The following RABGEF1 variants were observed in gnomAD, a reference collection of about 807,000 sequenced individuals.
The protein encoded by RABGEF1 is rab5 GDP/GTP exchange factor.
A neutral mutation model predicts 57.3 loss-of-function variants in RABGEF1; 26 were observed. The observed-to-expected ratio is 0.45, with a 90% CI of 0.33 to 0.63. The LOEUF (loss-of-function observed/expected upper bound fraction) is 0.63, where lower values mean the gene tolerates loss of function less well. Among genes scored for constraint, RABGEF1 ranks in the 20% least tolerant of loss-of-function variants. The pLI is 0.02. For missense variants in RABGEF1, 464 were observed against 607.6 expected (o/e 0.76, Z 2.48); for synonymous variants, 185 against 210.7 (o/e 0.88, Z 1.06).
At chr7:66,660,083 C>G in the RABGEF1 span, among the ~76,000 whole-genome samples, 2 of 151,954 alleles carry the variant, frequency 1.3e-5, no homozygotes, top group African/African-American at 4.8e-5. Flanking sequence ...CACAGTGGCT[C>G]ACGCCTGTAA....
At chr7:66,760,326 T>C (rs879941538) in intron 1 of RABGEF1, among the ~76,000 whole-genome samples, 1 of 152,224 alleles carries the variant, frequency 6.6e-6, no homozygotes. Context: ...AACATGTTGC[T>C]CTTGTGTTAA....
intron 1 of RABGEF1, chr7:66,770,571 A>C (rs56290553): frequency 0.012 from 1,767 of 152,030 alleles, 19 homozygotes; most frequent in Non-Finnish European, 0.018. Context: ...GCAGCCTCCA[A>C]CTCCTGGGCT....
At chr7:66,658,891 A>G in the RABGEF1 span, among the ~76,000 whole-genome samples, 3 of 151,888 alleles carry the variant, frequency 2.0e-5, no homozygotes, top group Admixed American at 1.3e-4. Context: ...GCCCACCACA[A>G]CGCCCGGCTA....
In RABGEF1 at chr7:66,718,625, C is replaced by T. The variant is rs984836524; in HGVS notation, c.-815+6401C>T. Among the ~76,000 whole-genome samples, 7 of 152,238 alleles carry T rather than the reference C, an allele frequency of 4.6e-5. No homozygotes were observed. In the South Asian group the frequency reaches 6.2e-4, roughly 14 times the overall value. ...AAGCTGCAACTTCCTACCTGCACTC[C>T]GTGAGCTGTGGTTACAATGTCAGTT... On this transcript the variant is annotated intron_variant and NMD_transcript_variant, in intron 2 of 9. Coordinates refer to the RABGEF1 transcript ENST00000607882.
Position 66,804,737 on chromosome 7 carries a change from T to TGA in RABGEF1, c.821-402_821-401dup, listed in dbSNP as rs1554321416. Reference sequence around the variant, plus strand: ...GGGCAACAAAGAGTGAAACTCAGTCTGAAAAAAAAAAAAAAAAAAGTGTGG... The same window carrying TGA: ...GGGCAACAAAGAGTGAAACTCAGTCTGAGAAAAAAAAAAAAAAAAAAGTGTGG... On this transcript the variant is annotated intron_variant, in intron 7 of 8. Coordinates refer to ENST00000284957, the MANE Select transcript of RABGEF1 (RefSeq NM_014504.3). 3.3e-5 allele frequency among the ~76,000 whole-genome samples: 4 copies of TGA among 119,458 alleles called. No homozygotes were observed. In the Admixed American group the frequency reaches 3.5e-4, roughly 11 times the overall value. The allele number at this position is 119,458 out of a possible 152,430, so 78.4% of individuals were successfully genotyped here.
upstream of RABGEF1, among the ~76,000 whole-genome samples, chr7:66,680,562 CTG>C (rs1237690833): frequency 1.3e-5 from 2 of 149,672 alleles, no homozygotes; most frequent in African/African-American, 4.9e-5. Flanking sequence ...GTTTTATACT[CTG>C]TTGTACCCTC....
chr7:66,733,448 C>T (rs1362561848), intron 2 of RABGEF1, among the ~76,000 whole-genome samples: 2 of 152,034 alleles, frequency 1.3e-5, no homozygotes, highest in Non-Finnish European at 2.9e-5. Flanking sequence ...CCTGTAATCC[C>T]AGCACTTTGA....
At chr7:66,690,334 C>T (rs962131705) in intron 1 of RABGEF1, among the ~76,000 whole-genome samples, 2 of 150,804 alleles carry the variant, frequency 1.3e-5, no homozygotes, top group Non-Finnish European at 3.0e-5. Flanking sequence ...CTCCTGACCT[C>T]GTGATCCACC....
chr7:66,795,081 C>T (rs1813693709), intron 4 of RABGEF1, among the ~76,000 whole-genome samples: 1 of 152,176 alleles, frequency 6.6e-6, no homozygotes, highest in Non-Finnish European at 1.5e-5. Context: ...GAAGTTTGCA[C>T]CATTTGTAGC....
chr7:66,747,401 G>A (rs1039769486), intron 1 of RABGEF1, among the ~76,000 whole-genome samples: 1 of 152,118 alleles, frequency 6.6e-6, no homozygotes, highest in Non-Finnish European at 1.5e-5. Context: ...TCTATGCTAG[G>A]CACAGAACAA....
intron 8 of RABGEF1, among the ~76,000 whole-genome samples, chr7:66,806,956 A>G (rs1788574835): frequency 6.6e-6 from 1 of 152,106 alleles, no homozygotes; most frequent in Non-Finnish European, 1.5e-5. Flanking sequence ...ATATTTCTTA[A>G]TATAAATGAA....
chr7:66,662,700 A>G, the RABGEF1 span, among the ~76,000 whole-genome samples: 2 of 150,530 alleles, frequency 1.3e-5, no homozygotes, highest in Non-Finnish European at 1.5e-5. Flanking sequence ...GGCGCCAGGA[A>G]GAGTTTGAGT....
At chr7:66,697,786 T>C (rs918280838) in intron 1 of RABGEF1, among the ~76,000 whole-genome samples, 2 of 151,998 alleles carry the variant, frequency 1.3e-5, no homozygotes, top group African/African-American at 4.8e-5. Context: ...CCCCATAAAC[T>C]GAGGTCACGT....
intron 1 of RABGEF1, among the ~76,000 whole-genome samples, chr7:66,691,560 A>G (rs761273968): frequency 6.6e-6 from 1 of 152,226 alleles, no homozygotes; most frequent in Admixed American, 6.5e-5. Flanking sequence ...GATTTTTTCA[A>G]CTTTATGATA....
At position 66,724,369 on chromosome 7, in the gene RABGEF1, T is replaced by TA. The variant is rs1195776959; in HGVS notation, c.-815+12145_-815+12146insA. ...TGAATCAGTATTTATTTATTTTATT[T>TA]TTTTTTTTTGAGACGGAGTCTCGCT... On this transcript the variant is annotated intron_variant and NMD_transcript_variant, in intron 2 of 9. Transcript: ENST00000607882. Among the ~76,000 whole-genome samples, 7 of 152,046 alleles carry TA rather than the reference T, an allele frequency of 4.6e-5. No homozygotes were observed. In the East Asian group the frequency reaches 9.6e-4, roughly 21 times the overall value.
intron 4 of RABGEF1, among the ~76,000 whole-genome samples, chr7:66,785,577 A>G (rs1205148389): frequency 6.6e-6 from 1 of 152,242 alleles, no homozygotes; most frequent in Non-Finnish European, 1.5e-5. Context: ...ATGTGGTAGT[A>G]TAAAATAGCC....
At chr7:66,765,251 G>T (rs545536437) in intron 1 of RABGEF1, among the ~76,000 whole-genome samples, 14 of 151,922 alleles carry the variant, frequency 9.2e-5, no homozygotes, top group African/African-American at 3.4e-4. Flanking sequence ...ACGTGGCAGA[G>T]CTGGGGTTGG....
the RABGEF1 span, among the ~76,000 whole-genome samples, chr7:66,662,883 A>ATG: frequency 6.7e-6 from 1 of 149,532 alleles, no homozygotes; most frequent in East Asian, 2.0e-4. Flanking sequence ...GTGTACAGGC[A>ATG]TGTGTGTGCA....
At chr7:66,692,370 T>C (rs1045174620) in intron 1 of RABGEF1, among the ~76,000 whole-genome samples, 2 of 152,192 alleles carry the variant, frequency 1.3e-5, no homozygotes, top group African/African-American at 4.8e-5. Flanking sequence ...GTAAAAGTTC[T>C]GCACCTACAG....
Sources: allele counts gnomAD v4.1 joint callset (sites outside exome capture counted in the v4.1 genomes callset), GRCh38; gene constraint gnomAD v4.1.1; transcripts MANE v1.5; gene names NCBI Gene and HGNC (gene_info 2026-07-23, HGNC 2026-07-21).